Variants in XPR1 observed in about 807,000 individuals in gnomAD.
XPR1 encodes the protein solute carrier family 53 member 1.
XPR1 carries 28 observed loss-of-function variants against 87.5 expected under a neutral mutation model. That is an observed-to-expected ratio of 0.32 (90% CI 0.24 to 0.44). The LOEUF (loss-of-function observed/expected upper bound fraction) is 0.44, where lower values mean the gene tolerates loss of function less well. Among genes scored for constraint, XPR1 ranks in the 20% least tolerant of loss-of-function variants. XPR1 has a pLI of 1.00. For synonymous variants in XPR1, 300 were observed against 306.1 expected (o/e 0.98, Z 0.21); for missense variants, 559 against 862.3 (o/e 0.65, Z 4.41).
At chr1:180,632,375 A>C (rs1219574014) in intron 1 of XPR1, 105 bp downstream of exon 1, 35 of 1,443,102 alleles carry the variant, frequency 2.4e-5, no homozygotes, top group Non-Finnish European at 3.3e-5. Flanking sequence ...GTGCCCGGGC[A>C]GACTTTGACC....
Position 180,885,878 on chromosome 1 carries a change from T to G in XPR1, c.*1812T>G, listed in dbSNP as rs965741278. On this transcript the variant is annotated 3_prime_UTR_variant, in exon 15 of 15. Transcript: ENST00000367590. ...AAAAGTTACTGTTACTAGAAAATTT[T>G]TATCAATTAACTGACAAATAGTTTC... 2.0e-5 allele frequency: 3 copies of G among 152,234 alleles called. No individual in the cohort carries two copies. The highest frequency in any genetic ancestry group is 4.4e-5 in the Non-Finnish European group (3 of 68,034). The allele number at this position is 152,234 out of a possible 1,614,324, so 9.4% of individuals were successfully genotyped here. A position where few individuals can be genotyped will look rare whatever the true frequency, so the allele number is the denominator to read the frequency against.
chr1:180,775,210 A>G (rs1343610311), intron 2 of XPR1, among the ~76,000 whole-genome samples: 1 of 152,184 alleles, frequency 6.6e-6, no homozygotes, highest in Non-Finnish European at 1.5e-5. Context: ...ATTCTTTGAA[A>G]GCTTTTTCCC....
intron 1 of XPR1, among the ~76,000 whole-genome samples, chr1:180,659,608 C>T (rs796414816): frequency 0.011 from 1,496 of 133,232 alleles, 67 homozygotes; most frequent in African/African-American, 0.04. Context: ...CCCCACCCCC[C>T]GCCGGGTTCA....
chr1:180,747,546 GA>G (rs1449758191), intron 2 of XPR1, among the ~76,000 whole-genome samples: 2 of 152,120 alleles, frequency 1.3e-5, no homozygotes, highest in Admixed American at 1.3e-4. Context: ...CCACCTAATG[GA>G]TTCTCAGTGA....
intron 1 of XPR1, among the ~76,000 whole-genome samples, chr1:180,653,092 C>T (rs945892180): frequency 6.6e-6 from 1 of 152,176 alleles, no homozygotes; most frequent in African/African-American, 2.4e-5. Flanking sequence ...TAGCTTACCC[C>T]TAAGTGGGTG....
At chr1:180,659,093 TCCCTCCCTCCCTCCCTTCCTCCCTCCC>T (rs1655643752) in intron 1 of XPR1, among the ~76,000 whole-genome samples, 1 of 145,316 alleles carries the variant, frequency 6.9e-6, no homozygotes, top group African/African-American at 2.7e-5. Context: ...CCTTCCTTCC[TCCCTCCCTCCCTCCCTTCCTCCCTCCC>T]TCCTTCCCTC....
chr1:180,850,792 T>TA (rs1651839355), intron 11 of XPR1, among the ~76,000 whole-genome samples: 1 of 152,104 alleles, frequency 6.6e-6, no homozygotes, highest in African/African-American at 2.4e-5. Context: ...ACCTCATCTC[T>TA]AAAAAATTAT....
At chr1:180,694,249 A>T (rs1236197501) in intron 2 of XPR1, among the ~76,000 whole-genome samples, 1 of 152,210 alleles carries the variant, frequency 6.6e-6, no homozygotes, top group Admixed American at 6.5e-5. Context: ...ATGAGCTGCC[A>T]TTCTCAGCCT....
intron 11 of XPR1, among the ~76,000 whole-genome samples, chr1:180,856,642 T>TA (rs1652042599): frequency 6.6e-6 from 1 of 152,232 alleles, no homozygotes; most frequent in African/African-American, 2.4e-5. Context: ...TCACCCAGGT[T>TA]AAAAACTAGG....
Position 180,848,799 on chromosome 1 carries a change from T to C in XPR1, c.1501+12083T>C, listed in dbSNP as rs1370403483. Among the ~76,000 whole-genome samples, 3 of 152,292 alleles carry C rather than the reference T, an allele frequency of 2.0e-5. No homozygotes were observed. In the East Asian group the frequency reaches 5.8e-4, roughly 29 times the overall value. On this transcript the variant is annotated intron_variant, in intron 11 of 14. Transcript: ENST00000367590. Reference sequence around the variant, plus strand: ...ATTCCCACCAACATTATAAAAAGTCTTAATAAAATGTTTGCAGCTAGAACT... The same window carrying C: ...ATTCCCACCAACATTATAAAAAGTCCTAATAAAATGTTTGCAGCTAGAACT...
At chr1:180,814,201 A>T (rs139984440) in intron 7 of XPR1, among the ~76,000 whole-genome samples, 2 of 152,324 alleles carry the variant, frequency 1.3e-5, no homozygotes, top group East Asian at 3.9e-4. Context: ...AATTTTACCT[A>T]TTAACAGTGT....
intron 2 of XPR1, among the ~76,000 whole-genome samples, chr1:180,722,056 A>G (rs1445337700): frequency 6.6e-6 from 1 of 151,944 alleles, no homozygotes; most frequent in East Asian, 1.9e-4. Flanking sequence ...TGAGCTCAGG[A>G]GTTGAAAACC....
intron 2 of XPR1, among the ~76,000 whole-genome samples, chr1:180,694,337 A>G (rs577910033): frequency 3.9e-5 from 6 of 152,288 alleles, no homozygotes; most frequent in African/African-American, 1.4e-4. Context: ...AGTCCAAATG[A>G]GGCATTTGCT....
chr1:180,754,441 T>C (rs993574596), intron 2 of XPR1, among the ~76,000 whole-genome samples: 2 of 152,102 alleles, frequency 1.3e-5, no homozygotes, highest in African/African-American at 4.8e-5. Flanking sequence ...TGTACTCTTC[T>C]CCTTTCTTGT....
Position 180,706,666 on chromosome 1 carries a change from C to T in XPR1, c.121+24255C>T, listed in dbSNP as rs531805305. Among the ~76,000 whole-genome samples, 61 of 151,926 alleles carry T rather than the reference C, an allele frequency of 4.0e-4. 1 individual carries two copies. Among genetic ancestry groups the T allele is most frequent in the Admixed American group, 2.4e-3 (36 of 15,278 alleles). Reference sequence around the variant, plus strand: ...TCGCACTGTCACCCAGGCTGGAGTGCAGTGGCATGATCTCTGCTCACTGCA... The same window carrying T: ...TCGCACTGTCACCCAGGCTGGAGTGTAGTGGCATGATCTCTGCTCACTGCA... On this transcript the variant is annotated intron_variant, in intron 2 of 14. Coordinates refer to ENST00000367590, the MANE Select transcript of XPR1 (RefSeq NM_004736.4).
chr1:180,739,615 A>G (rs541981089), intron 2 of XPR1, among the ~76,000 whole-genome samples: 1 of 152,290 alleles, frequency 6.6e-6, no homozygotes, highest in African/African-American at 2.4e-5. Context: ...AGTGATTTGT[A>G]GTTTTCCGTA....
At chr1:180,799,585 G>A (rs954439420) in intron 3 of XPR1, among the ~76,000 whole-genome samples, 1 of 152,182 alleles carries the variant, frequency 6.6e-6, no homozygotes, top group African/African-American at 2.4e-5. Flanking sequence ...TCAGGAGATG[G>A]TGGTGCTGGA....
At chr1:180,785,387 ACCTCAGGTGATC>A (rs1401373058) in intron 2 of XPR1, among the ~76,000 whole-genome samples, 1 of 152,022 alleles carries the variant, frequency 6.6e-6, no homozygotes, top group African/African-American at 2.4e-5. Context: ...CGAACTCCTG[ACCTCAGGTGATC>A]CCTCTGCCTT....
At chr1:180,762,661 T>G (rs770553443) in intron 2 of XPR1, among the ~76,000 whole-genome samples, 9 of 152,162 alleles carry the variant, frequency 5.9e-5, no homozygotes, top group Non-Finnish European at 1.2e-4. Flanking sequence ...ATTGACTAGT[T>G]TTCCAAGGGA....
Sources: allele counts gnomAD v4.1 joint callset (sites outside exome capture counted in the v4.1 genomes callset), GRCh38; gene constraint gnomAD v4.1.1; transcripts MANE v1.5; gene names NCBI Gene and HGNC (gene_info 2026-07-23, HGNC 2026-07-21).